The following KLF8 variants were observed in gnomAD, a reference collection of about 807,000 sequenced individuals.
KLF8 encodes the protein KLF transcription factor 8.
In KLF8, 10 loss-of-function variants were observed where a neutral mutation model predicts 18.2. The observed-to-expected ratio is 0.55, with a 90% CI of 0.34 to 0.93. KLF8 has a LOEUF of 0.93. Ranked by LOEUF, KLF8 falls within the 40% of genes least tolerant of loss-of-function variation. The pLI is 0.02. For missense variants in KLF8, 264 were observed against 277.9 expected, an observed-to-expected ratio of 0.95 and a Z score of 0.36; for synonymous variants, 109 against 97.3, an observed-to-expected ratio of 1.12 and a Z score of -0.71.
chrX:56,197,113 A>G, the KLF8 span, among the ~76,000 whole-genome samples: 1 of 111,827 alleles, frequency 8.9e-6, no homozygotes, highest in East Asian at 2.8e-4. Flanking sequence ...AGGGAAATTT[A>G]TAGCACTAAA....
At chrX:55,913,290 G>T in the KLF8 span, among the ~76,000 whole-genome samples, 2 of 111,387 alleles carry the variant, frequency 1.8e-5, no homozygotes, top group Non-Finnish European at 3.8e-5. Context: ...TATGTCCTTT[G>T]CTATGGGTTG....
the KLF8 span, among the ~76,000 whole-genome samples, chrX:56,168,502 C>A: frequency 1.8e-5 from 2 of 111,935 alleles, no homozygotes; most frequent in Middle Eastern, 4.7e-3. Context: ...AAAAAATAGT[C>A]TTTTTTATTA....
chrX:56,238,222 T>C (rs1444697810), intron 1 of KLF8, among the ~76,000 whole-genome samples: 1 of 112,083 alleles, frequency 8.9e-6, no homozygotes, highest in Non-Finnish European at 1.9e-5. Flanking sequence ...CTCATGCCTG[T>C]AATCCCAGGA....
chrX:55,911,615 C>T, the KLF8 span, among the ~76,000 whole-genome samples: 12 of 111,376 alleles, frequency 1.1e-4, no homozygotes, highest in Non-Finnish European at 1.9e-4. Context: ...TCATTAGCCT[C>T]AGGGAACTCA....
the KLF8 span, among the ~76,000 whole-genome samples, chrX:55,964,172 T>C: frequency 9.0e-6 from 1 of 111,023 alleles, no homozygotes; most frequent in African/African-American, 3.3e-5. Context: ...AGAACTTAGA[T>C]CTAAAGTTAA....
At chrX:55,944,599 A>G in the KLF8 span, among the ~76,000 whole-genome samples, 2 of 111,122 alleles carry the variant, frequency 1.8e-5, no homozygotes, top group Admixed American at 1.9e-4. Flanking sequence ...TTTCTTCTAG[A>G]TTTTCTAGTT....
At chrX:55,971,848 A>G in the KLF8 span, among the ~76,000 whole-genome samples, 1 of 111,523 alleles carries the variant, frequency 9.0e-6, no homozygotes, top group Non-Finnish European at 1.9e-5. Context: ...GCAAATCAAA[A>G]CTATAATGAG....
At chrX:56,170,442 C>A in the KLF8 span, among the ~76,000 whole-genome samples, 1 of 109,964 alleles carries the variant, frequency 9.1e-6, no homozygotes, top group Admixed American at 9.9e-5. Flanking sequence ...TTCAAGGTAA[C>A]ACAAAGAAAC....
chrX:56,061,356 T>C, the KLF8 span, among the ~76,000 whole-genome samples: 2 of 112,222 alleles, frequency 1.8e-5, no homozygotes, highest in Non-Finnish European at 3.8e-5. Context: ...GAGATTCTGG[T>C]AAGTTATGTC....
chrX:55,928,955 C>T, the KLF8 span, among the ~76,000 whole-genome samples: 9,603 of 111,881 alleles, frequency 0.086, 1,002 homozygotes, highest in African/African-American at 0.3. Flanking sequence ...ACACTGTCTT[C>T]CACAATGGCT....
At chrX:56,158,015 G>A in the KLF8 span, among the ~76,000 whole-genome samples, 24 of 111,829 alleles carry the variant, frequency 2.1e-4, no homozygotes, top group African/African-American at 7.5e-4. Flanking sequence ...GGGTTTTTAC[G>A]GTTTTGGGTC....
the KLF8 span, among the ~76,000 whole-genome samples, chrX:55,992,709 A>G: frequency 8.9e-6 from 1 of 112,168 alleles, no homozygotes; most frequent in Non-Finnish European, 1.9e-5. Flanking sequence ...TTTTAATAAT[A>G]CTGATTCTTT....
At chrX:55,944,047 T>G in the KLF8 span, among the ~76,000 whole-genome samples, 1 of 112,541 alleles carries the variant, frequency 8.9e-6, no homozygotes, top group East Asian at 2.8e-4. Context: ...GCATGAAGTG[T>G]TGAATTTTGT....
chrX:56,185,969 A>G, the KLF8 span, among the ~76,000 whole-genome samples: 1 of 112,256 alleles, frequency 8.9e-6, no homozygotes, highest in African/African-American at 3.2e-5. Flanking sequence ...GCATCAACTA[A>G]CGAGCAAAAA....
chrX:56,282,584 T>A (rs986127341), intron 5 of KLF8, among the ~76,000 whole-genome samples: 1 of 111,838 alleles, frequency 8.9e-6, no homozygotes, highest in African/African-American at 3.3e-5. Flanking sequence ...GTGTAGTAAG[T>A]TGGAAAACAG....
the KLF8 span, among the ~76,000 whole-genome samples, chrX:56,221,846 G>A: frequency 1.8e-5 from 2 of 111,684 alleles, no homozygotes; most frequent in African/African-American, 6.5e-5. Context: ...ACCGGAGGGG[G>A]TTGCCACTGC....
chrX:56,225,170 A>T, the KLF8 span, among the ~76,000 whole-genome samples: 7 of 111,495 alleles, frequency 6.3e-5, no homozygotes, highest in African/African-American at 2.3e-4. Flanking sequence ...GGTGTACTAT[A>T]ATTTAGTTAC....
chrX:55,922,141 C>T, the KLF8 span, among the ~76,000 whole-genome samples: 19,887 of 112,200 alleles, frequency 0.18, 3,531 homozygotes, highest in African/African-American at 0.55. Context: ...ATATAAATCA[C>T]TGTATTGTAA....
chrX:56,114,516 G>A, the KLF8 span, among the ~76,000 whole-genome samples: 1 of 112,811 alleles, frequency 8.9e-6, no homozygotes, highest in Admixed American at 9.3e-5. Context: ...TTGATTTGTG[G>A]AATTCTATTA....
Sources: allele counts gnomAD v4.1 joint callset (sites outside exome capture counted in the v4.1 genomes callset), GRCh38; gene constraint gnomAD v4.1.1; transcripts MANE v1.5; gene names NCBI Gene and HGNC (gene_info 2026-07-23, HGNC 2026-07-21).